Variants in STAT3 observed in about 807,000 individuals in gnomAD.
STAT3 encodes DNA-binding protein APRF.
A neutral mutation model predicts 114.3 loss-of-function variants in STAT3; 7 were observed. The observed-to-expected ratio is 0.06, with a 90% CI of 0.03 to 0.11. The LOEUF is 0.11. Ranked by LOEUF, STAT3 falls within the 10% of genes least tolerant of loss-of-function variation. The pLI is 1.00. For synonymous variants in STAT3, 331 were observed against 354.5 expected, an observed-to-expected ratio of 0.93 and a Z score of 0.74; for missense variants, 364 against 960.9, an observed-to-expected ratio of 0.38 and a Z score of 8.21.
At position 42,315,746 on chromosome 17, in the gene STAT3, C is replaced by T. The variant is rs1029514274; in HGVS notation, c.2312G>A (p.Ter771=). Residue 771 remains the stop codon, a stop_retained_variant, in exon 24 of 24, where the codon TGA becomes TAA. Coordinates refer to ENST00000264657, the MANE Select transcript of STAT3 (RefSeq NM_139276.3). Reference sequence around the variant, plus strand: ...TCTGCAGCTTCCGTTCTCAGCTCCTCACATGGGGGAGGTAGCGCACTCCGA... The same window carrying T: ...TCTGCAGCTTCCGTTCTCAGCTCCTTACATGGGGGAGGTAGCGCACTCCGA... ...LTSECATSPM[*] is the part of the protein sequence containing the mutation. 2.5e-6 allele frequency: 4 copies of T among 1,613,958 alleles called. No homozygotes were observed. The highest frequency in any genetic ancestry group is 1.3e-5 in the African/African-American group (1 of 74,888).
intron 1 of STAT3, among the ~76,000 whole-genome samples, chr17:42,378,035 G>A (rs1000250544): frequency 2.0e-5 from 3 of 149,836 alleles, no homozygotes; most frequent in Non-Finnish European, 4.4e-5. Flanking sequence ...GCCCAGGCTG[G>A]AGTGCAATGG....
At chr17:42,365,509 T>G (rs1243369464) in intron 1 of STAT3, among the ~76,000 whole-genome samples, 3 of 152,154 alleles carry the variant, frequency 2.0e-5, no homozygotes, top group African/African-American at 7.2e-5. Context: ...TCTGAGCTGG[T>G]TTATTGCATT....
At position 42,323,554 on chromosome 17, in the gene STAT3, A is replaced by G. The variant is rs1483996068; in HGVS notation, c.1653+19T>C. On this transcript the variant is annotated intron_variant, in intron 18 of 23. Coordinates refer to ENST00000264657, the MANE Select transcript of STAT3 (RefSeq NM_139276.3). ...GGTGAGCATTCCCATTCCCACGAGAATTTAACAAGATTGCTTACTTTGCAA... is the reference window on the plus strand; with the variant it reads ...GGTGAGCATTCCCATTCCCACGAGAGTTTAACAAGATTGCTTACTTTGCAA... The G allele has an allele frequency of 6.2e-7, 1 of 1,613,754 alleles. No individual in the cohort carries two copies. The highest frequency in any genetic ancestry group is 8.5e-7 in the Non-Finnish European group (1 of 1,179,720).
chr17:42,351,960 T>A (rs2082985400), intron 1 of STAT3, among the ~76,000 whole-genome samples: 1 of 151,966 alleles, frequency 6.6e-6, no homozygotes, highest in African/African-American at 2.4e-5. Context: ...GACAGGGTTT[T>A]ACCATGTTGC....
Position 42,337,226 on chromosome 17 carries a change from C to G in STAT3, c.797+209G>C, listed in dbSNP as rs1016303294. On this transcript the variant is annotated intron_variant, in intron 8 of 23. Coordinates refer to ENST00000264657, the MANE Select transcript of STAT3 (RefSeq NM_139276.3). This position sits in a 1 kb window ranked among gnomAD's most constrained non-coding sequence, Gnocchi z 4.0. Reference sequence around the variant, plus strand: ...CAAACTCCTGACCTCAAGTGATCCGCCCATCTTGGTCTCCCAAAGTGCTGG... The same window carrying G: ...CAAACTCCTGACCTCAAGTGATCCGGCCATCTTGGTCTCCCAAAGTGCTGG... Among the ~76,000 whole-genome samples the G allele has an allele frequency of 2.6e-5, 4 of 152,160 alleles. No individual in the cohort carries two copies. The East Asian group carries it at 5.8e-4, about 22-fold the overall frequency.
intron 1 of STAT3, among the ~76,000 whole-genome samples, chr17:42,365,655 T>TG: frequency 6.6e-6 from 1 of 151,274 alleles, no homozygotes; most frequent in Non-Finnish European, 1.5e-5. Context: ...TTTTTTTGTT[T>TG]TTTTTTGTTT....
chr17:42,380,718 C>G (rs2084743878), intron 1 of STAT3, among the ~76,000 whole-genome samples: 1 of 152,102 alleles, frequency 6.6e-6, no homozygotes, highest in African/African-American at 2.4e-5. Flanking sequence ...AAGAGTAATT[C>G]AGCCTAGGCA....
At chr17:42,332,543 A>G (rs1201582192) in intron 10 of STAT3, among the ~76,000 whole-genome samples, 4 of 129,670 alleles carry the variant, frequency 3.1e-5, no homozygotes, top group Middle Eastern at 3.7e-3. Flanking sequence ...ATCTCAAAAA[A>G]AAAAAAAAAA....
chr17:42,325,143 G>T, intron 15 of STAT3, 82 bp from the exon 16 acceptor site: 1 of 1,363,268 alleles, frequency 7.3e-7, no homozygotes. Flanking sequence ...ATCTCACGGG[G>T]CTCAGAATGA....
At chr17:42,340,585 G>A (rs1171716947) in intron 4 of STAT3, among the ~76,000 whole-genome samples, 1 of 152,044 alleles carries the variant, frequency 6.6e-6, no homozygotes, top group African/African-American at 2.4e-5. Flanking sequence ...GGGAGGCTGA[G>A]GTGGGAGGAT....
At chr17:42,328,525 A>G (rs960402762) in intron 14 of STAT3, among the ~76,000 whole-genome samples, 3 of 152,204 alleles carry the variant, frequency 2.0e-5, no homozygotes, top group African/African-American at 4.8e-5. Context: ...CTCATGCCTC[A>G]GCCTCCCCAG....
intron 1 of STAT3, among the ~76,000 whole-genome samples, chr17:42,353,645 T>A (rs2083085004): frequency 6.6e-6 from 1 of 152,030 alleles, no homozygotes; most frequent in Non-Finnish European, 1.5e-5. Flanking sequence ...CAAATATAGA[T>A]CACTGTAACC....
intron 21 of STAT3, among the ~76,000 whole-genome samples, chr17:42,319,182 G>C (rs2081364062): frequency 6.6e-6 from 1 of 152,098 alleles, no homozygotes; most frequent in African/African-American, 2.4e-5. Context: ...AGGCTGAAGT[G>C]AGGTGAGATC....
At chr17:42,320,928 GT>G (rs977135312) in intron 21 of STAT3, among the ~76,000 whole-genome samples, 9 of 144,116 alleles carry the variant, frequency 6.2e-5, no homozygotes, top group Non-Finnish European at 1.3e-4. Context: ...GTTTTGTTTC[GT>G]TTTTTTCTTT....
rs2082705038 is a variant in STAT3 at position 42,346,461 on chromosome 17, T to C, written c.273+108A>G. ...TTCTCCTGTGATTGAAAATACAAGA[T>C]AGATTCTCGTTACTTAGCCAAATGA... On this transcript the variant is annotated intron_variant, in intron 3 of 23. Coordinates refer to ENST00000264657, the MANE Select transcript of STAT3 (RefSeq NM_139276.3). 17 of 1,508,658 alleles carry C rather than the reference T, an allele frequency of 1.1e-5. No individual in the cohort carries two copies. The South Asian group carries it at 1.6e-4, about 14-fold the overall frequency. The allele number at this position is 1,508,658 out of a possible 1,614,324, so 93.5% of individuals were successfully genotyped here.
At chr17:42,349,211 C>T (rs183895627) in intron 1 of STAT3, among the ~76,000 whole-genome samples, 1 of 152,278 alleles carries the variant, frequency 6.6e-6, no homozygotes, top group Admixed American at 6.5e-5. Flanking sequence ...ATGCCAGGTT[C>T]TAGAATCCAT....
intron 1 of STAT3, among the ~76,000 whole-genome samples, chr17:42,384,221 C>T (rs913790136): frequency 7.3e-5 from 11 of 151,418 alleles, no homozygotes; most frequent in African/African-American, 2.7e-4. Flanking sequence ...CTCCGCCTCC[C>T]GAGTTCACGC....
At chr17:42,322,910 C>T (rs1280892955) in intron 20 of STAT3, 94 bp downstream of exon 20, 36 of 1,582,994 alleles carry the variant, frequency 2.3e-5, no homozygotes, top group Non-Finnish European at 3.0e-5. Context: ...AAGGCCATCT[C>T]CACCCACCAG....
At chr17:42,378,942 C>A (rs1289152950) in intron 1 of STAT3, among the ~76,000 whole-genome samples, 1 of 152,166 alleles carries the variant, frequency 6.6e-6, no homozygotes, top group African/African-American at 2.4e-5. Flanking sequence ...TTCACCGAAG[C>A]AGGTGCTCAA....
Sources: allele counts gnomAD v4.1 joint callset (sites outside exome capture counted in the v4.1 genomes callset), GRCh38; gene constraint gnomAD v4.1.1; non-coding constraint Gnocchi (gnomAD v3.1); transcripts MANE v1.5; gene names NCBI Gene and HGNC (gene_info 2026-07-23, HGNC 2026-07-21).